MACROD2: variants seen among roughly 807,000 people sequenced by gnomAD.
The protein encoded by MACROD2 is mono-ADP ribosylhydrolase 2.
In MACROD2, 36 loss-of-function variants were observed where a neutral mutation model predicts 70.4. The ratio of observed to expected loss-of-function variants is 0.51; its 90% confidence interval spans 0.39 to 0.68. The LOEUF is 0.68. MACROD2 is among the 30% of genes least tolerant of loss of function. The pLI is 0.00. For missense variants in MACROD2, 496 were observed against 538.4 expected (o/e 0.92, Z 0.78); for synonymous variants, 172 against 178.8 (o/e 0.96, Z 0.30).
At chr20:15,606,729 G>T (rs963769439) in intron 8 of MACROD2, among the ~76,000 whole-genome samples, 2 of 152,162 alleles carry the variant, frequency 1.3e-5, no homozygotes, top group South Asian at 2.1e-4. Flanking sequence ...CTGGCTAGGC[G>T]CAGTGGCTCA....
intron 4 of MACROD2, among the ~76,000 whole-genome samples, chr20:14,607,511 T>C (rs1982881174): frequency 6.6e-6 from 1 of 152,160 alleles, no homozygotes; most frequent in East Asian, 1.9e-4. Context: ...TGTTCTGGAC[T>C]CACACTGCTC....
At chr20:15,749,103 TTTAA>T (rs1307917772) in intron 8 of MACROD2, among the ~76,000 whole-genome samples, 2 of 152,170 alleles carry the variant, frequency 1.3e-5, no homozygotes, top group African/African-American at 4.8e-5. Context: ...TGACTTGAAC[TTTAA>T]TTAACTTTTG....
chr20:14,910,033 C>A (rs1341271798), intron 5 of MACROD2, among the ~76,000 whole-genome samples: 1 of 152,148 alleles, frequency 6.6e-6, no homozygotes, highest in Non-Finnish European at 1.5e-5. Context: ...ACTCACTTAG[C>A]CTCATCAAAG....
intron 5 of MACROD2, among the ~76,000 whole-genome samples, chr20:15,166,098 T>C (rs2076381869): frequency 6.6e-6 from 1 of 152,082 alleles, no homozygotes; most frequent in Non-Finnish European, 1.5e-5. Context: ...TAGGAACAGG[T>C]ATTGACTGCA....
chr20:15,994,534 T>G (rs1376473935), intron 15 of MACROD2, among the ~76,000 whole-genome samples: 1 of 152,198 alleles, frequency 6.6e-6, no homozygotes, highest in Non-Finnish European at 1.5e-5. Flanking sequence ...GTCCTACTTC[T>G]AAATCACTTT....
chr20:15,910,871 A>G (rs1175546563), intron 10 of MACROD2, among the ~76,000 whole-genome samples: 2 of 152,322 alleles, frequency 1.3e-5, no homozygotes, highest in South Asian at 4.1e-4. Context: ...TGAAAAGTCT[A>G]TTTGATACTT....
At chr20:15,196,761 T>A in intron 5 of MACROD2, 1 of 474,250 alleles carries the variant, frequency 2.1e-6, no homozygotes, top group Non-Finnish European at 2.7e-6. Flanking sequence ...AATATGTACT[T>A]GAAATCAGGA....
intron 2 of MACROD2, among the ~76,000 whole-genome samples, chr20:14,080,821 C>T (rs1181620995): frequency 6.6e-6 from 1 of 152,194 alleles, no homozygotes; most frequent in Non-Finnish European, 1.5e-5. Context: ...TTTTTCCCCA[C>T]CTTCCTCACT....
intron 8 of MACROD2, among the ~76,000 whole-genome samples, chr20:15,594,666 A>G (rs1001839151): frequency 6.6e-6 from 1 of 152,162 alleles, no homozygotes; most frequent in African/African-American, 2.4e-5. Context: ...GATACCTTTT[A>G]TGGAATGTTA....
At chr20:15,763,328 T>C (rs1219256822) in intron 8 of MACROD2, among the ~76,000 whole-genome samples, 2 of 152,090 alleles carry the variant, frequency 1.3e-5, no homozygotes, top group African/African-American at 4.8e-5. Context: ...TGAGTTGAAT[T>C]GGGAAGTAAC....
chr20:15,515,803 G>A (rs184466444), intron 8 of MACROD2, among the ~76,000 whole-genome samples: 2 of 152,318 alleles, frequency 1.3e-5, no homozygotes, highest in East Asian at 1.9e-4. Context: ...CAGCCCTAGT[G>A]TGCAGAGATT....
At chr20:15,959,065 G>C (rs572686509) in intron 12 of MACROD2, among the ~76,000 whole-genome samples, 3 of 152,236 alleles carry the variant, frequency 2.0e-5, no homozygotes, top group African/African-American at 7.2e-5. Flanking sequence ...ATAATTTCTA[G>C]AACTCATAGT....
intron 2 of MACROD2, among the ~76,000 whole-genome samples, chr20:14,030,076 A>G (rs775237219): frequency 5.9e-5 from 9 of 152,202 alleles, no homozygotes; most frequent in Non-Finnish European, 8.8e-5. Context: ...CAGGTCACCT[A>G]GATTGGAGTA....
At chr20:15,628,747 G>A (rs1017016689) in intron 8 of MACROD2, among the ~76,000 whole-genome samples, 3 of 152,226 alleles carry the variant, frequency 2.0e-5, no homozygotes, top group South Asian at 2.1e-4. Context: ...TGGTGGGGAT[G>A]ACTGAAAGTC....
chr20:14,638,675 G>T (rs1038702742), intron 4 of MACROD2, among the ~76,000 whole-genome samples: 5 of 152,200 alleles, frequency 3.3e-5, no homozygotes, highest in African/African-American at 1.2e-4. Context: ...GTGAGGCTGG[G>T]TGTGGTGGCT....
chr20:15,026,866 G>A (rs1251892707), intron 5 of MACROD2, among the ~76,000 whole-genome samples: 2 of 152,186 alleles, frequency 1.3e-5, no homozygotes, highest in African/African-American at 2.4e-5. Context: ...AGAGGCTGAT[G>A]TCTTAGTGGA....
intron 3 of MACROD2, among the ~76,000 whole-genome samples, chr20:14,410,386 C>A (rs891458648): frequency 6.6e-6 from 1 of 152,050 alleles, no homozygotes; most frequent in African/African-American, 2.4e-5. Flanking sequence ...TCCACTTCCA[C>A]CCTCCCACTT....
chr20:15,037,643 C>T (rs551111758), intron 5 of MACROD2, among the ~76,000 whole-genome samples: 1 of 151,996 alleles, frequency 6.6e-6, no homozygotes, highest in African/African-American at 2.4e-5. Flanking sequence ...CTCTTTAACA[C>T]TACCTCATGC....
At chr20:14,518,078 A>G (rs1180799409) in intron 4 of MACROD2, among the ~76,000 whole-genome samples, 2 of 152,112 alleles carry the variant, frequency 1.3e-5, no homozygotes, top group African/African-American at 2.4e-5. Context: ...TCTATTTTTC[A>G]TTGCTTACTT....
Sources: allele counts gnomAD v4.1 joint callset (sites outside exome capture counted in the v4.1 genomes callset), GRCh38; gene constraint gnomAD v4.1.1; transcripts MANE v1.5; gene names NCBI Gene and HGNC (gene_info 2026-07-23, HGNC 2026-07-21).